SPATA6: variants seen among roughly 807,000 people sequenced by gnomAD.
SPATA6 encodes spermatogenesis associated 6.
In SPATA6, 56 loss-of-function variants were observed where a neutral mutation model predicts 65.3. The ratio of observed to expected loss-of-function variants is 0.86; its 90% CI spans 0.69 to 1.07. The LOEUF (loss-of-function observed/expected upper bound fraction) is 1.07. SPATA6 is among the 50% of genes least tolerant of loss of function. The probability of loss-of-function intolerance (pLI) is 0.00; values close to 1 mark genes in which losing one functional copy is unlikely to be tolerated. For missense variants in SPATA6, 590 were observed against 594.8 expected, an observed-to-expected ratio of 0.99 and a Z score of 0.08; for synonymous variants, 199 against 213.2, an observed-to-expected ratio of 0.93 and a Z score of 0.58.
In SPATA6 at chr1:48,364,016, T is replaced by G. The variant is rs566076360; in HGVS notation, c.910-4246A>C. ...CCTTCCTGTGTCCATGTGCTCTCCT[T>G]GTTCAATTCCCACCTATGAATGAGA... On this transcript the variant is annotated intron_variant, in intron 9 of 12. Coordinates refer to ENST00000371847, the MANE Select transcript of SPATA6 (RefSeq NM_019073.4). Among the ~76,000 whole-genome samples the G allele has an allele frequency of 3.8e-4, 58 of 152,260 alleles. No homozygotes were observed. The East Asian group carries it at 0.011, about 29-fold the overall frequency.
chr1:48,270,324 T>C, the SPATA6 span, among the ~76,000 whole-genome samples: 3 of 152,176 alleles, frequency 2.0e-5, no homozygotes, highest in Non-Finnish European at 4.4e-5. Context: ...GGAAATTTGC[T>C]ATAGGTTTTA....
chr1:48,385,530 C>T (rs1019858627), intron 8 of SPATA6, among the ~76,000 whole-genome samples, 181 bp from the exon 9 acceptor site: 1 of 152,054 alleles, frequency 6.6e-6, no homozygotes, highest in Non-Finnish European at 1.5e-5. Flanking sequence ...ATTAGTTCTT[C>T]AGCAATTAAA....
At chr1:48,377,065 C>T (rs1376026227) in intron 9 of SPATA6, among the ~76,000 whole-genome samples, 1 of 152,092 alleles carries the variant, frequency 6.6e-6, no homozygotes, top group Non-Finnish European at 1.5e-5. Context: ...CTACGGCTAT[C>T]ACCCTCCATT....
chr1:48,447,125 TATATA>T (rs1656128670), intron 3 of SPATA6, among the ~76,000 whole-genome samples: 1 of 152,198 alleles, frequency 6.6e-6, no homozygotes, highest in Admixed American at 6.5e-5. Context: ...AAGAATATAG[TATATA>T]ATATAACAAA....
intron 3 of SPATA6, among the ~76,000 whole-genome samples, chr1:48,445,278 T>C (rs1655901818): frequency 6.6e-6 from 1 of 152,212 alleles, no homozygotes; most frequent in Non-Finnish European, 1.5e-5. Context: ...CTCAGTACTA[T>C]GGAGACACAT....
the SPATA6 span, among the ~76,000 whole-genome samples, chr1:48,284,845 C>G: frequency 6.6e-6 from 1 of 152,154 alleles, no homozygotes; most frequent in Non-Finnish European, 1.5e-5. Flanking sequence ...AGCCAGAGCT[C>G]TCCTGTATGA....
At chr1:48,417,457 C>G (rs1244722265) in intron 3 of SPATA6, among the ~76,000 whole-genome samples, 1 of 152,052 alleles carries the variant, frequency 6.6e-6, no homozygotes, top group African/African-American at 2.4e-5. Flanking sequence ...TGAGAGACAT[C>G]AACAAATCAC....
chr1:48,292,897 C>T (rs1448426511), downstream of SPATA6, among the ~76,000 whole-genome samples: 1 of 152,174 alleles, frequency 6.6e-6, no homozygotes, highest in Non-Finnish European at 1.5e-5. Flanking sequence ...TTTGGGTGCC[C>T]ACAGAGGCGC....
downstream of SPATA6, among the ~76,000 whole-genome samples, chr1:48,294,286 A>G (rs560947170): frequency 3.3e-5 from 5 of 152,298 alleles, no homozygotes; most frequent in South Asian, 1.0e-3. Context: ...CATGTTGGCC[A>G]GGCTGGTCTC....
chr1:48,374,546 T>C (rs983184693), intron 9 of SPATA6, among the ~76,000 whole-genome samples: 5 of 152,178 alleles, frequency 3.3e-5, no homozygotes, highest in African/African-American at 1.2e-4. Flanking sequence ...AATAAAGCTA[T>C]AAACCAGTAA....
chr1:48,329,922 C>T (rs578058644), intron 11 of SPATA6, among the ~76,000 whole-genome samples: 8 of 152,336 alleles, frequency 5.3e-5, no homozygotes, highest in Non-Finnish European at 1.2e-4. Flanking sequence ...TACTTCTAGA[C>T]TGAGGCAGAG....
At chr1:48,317,391 G>A (rs549090255) in intron 11 of SPATA6, among the ~76,000 whole-genome samples, 2 of 152,212 alleles carry the variant, frequency 1.3e-5, no homozygotes, top group East Asian at 1.9e-4. Context: ...CATGGATGAA[G>A]CTGGAAACCA....
At chr1:48,335,358 C>G (rs1465165430) in intron 11 of SPATA6, among the ~76,000 whole-genome samples, 1 of 150,576 alleles carries the variant, frequency 6.6e-6, no homozygotes, top group Non-Finnish European at 1.5e-5. Flanking sequence ...GAAAAAAAAG[C>G]TGGAGGAATC....
At chr1:48,357,758 AG>A (rs1216528307) in intron 10 of SPATA6, among the ~76,000 whole-genome samples, 1 of 152,162 alleles carries the variant, frequency 6.6e-6, no homozygotes, top group African/African-American at 2.4e-5. Flanking sequence ...TTTTGTTCCC[AG>A]TAGTACGTCT....
chr1:48,386,606 AC>A (rs1382265796), intron 8 of SPATA6, among the ~76,000 whole-genome samples: 3 of 152,212 alleles, frequency 2.0e-5, no homozygotes, highest in African/African-American at 7.2e-5. Context: ...GAGGACTGGC[AC>A]CCAAGAGATA....
At chr1:48,313,526 A>C (rs1360172318) in intron 11 of SPATA6, among the ~76,000 whole-genome samples, 1 of 152,186 alleles carries the variant, frequency 6.6e-6, no homozygotes, top group Admixed American at 6.5e-5. Context: ...GCCTGCCCTA[A>C]AAGAGCTCCT....
intron 8 of SPATA6, among the ~76,000 whole-genome samples, chr1:48,392,278 A>T (rs1308662345): frequency 2.6e-5 from 4 of 152,158 alleles, no homozygotes; most frequent in African/African-American, 9.7e-5. Context: ...AGTTTCCTCT[A>T]AGAGGAGAGA....
At chr1:48,283,318 A>C in the SPATA6 span, among the ~76,000 whole-genome samples, 1 of 151,570 alleles carries the variant, frequency 6.6e-6, no homozygotes, top group Non-Finnish European at 1.5e-5. Flanking sequence ...ATGTACCCCC[A>C]AAATTACAGT....
intron 12 of SPATA6, 137 bp from the exon 13 acceptor site, chr1:48,299,030 G>T: frequency 1.3e-6 from 1 of 788,300 alleles, no homozygotes. Context: ...AACAGAGTAA[G>T]GCCTGTGCTT....
Sources: allele counts gnomAD v4.1 joint callset (sites outside exome capture counted in the v4.1 genomes callset), GRCh38; gene constraint gnomAD v4.1.1; transcripts MANE v1.5; gene names NCBI Gene and HGNC (gene_info 2026-07-23, HGNC 2026-07-21).